LYPD6B: variants seen among roughly 807,000 people sequenced by gnomAD.
LYPD6B encodes the protein LY6/PLAUR domain containing 6B.
In LYPD6B, 17 loss-of-function variants were observed where a neutral mutation model predicts 22.8. The ratio of observed to expected loss-of-function variants is 0.75; its 90% CI spans 0.51 to 1.12. The LOEUF (loss-of-function observed/expected upper bound fraction) is 1.12, where lower values mean the gene tolerates loss of function less well. Among genes scored for constraint, LYPD6B ranks in the 50% most tolerant of loss-of-function variants. The pLI, the probability that LYPD6B is intolerant of heterozygous loss-of-function variation, is 0.00. For synonymous variants in LYPD6B, 106 were observed against 91.6 expected (o/e 1.16, Z -0.90); for missense variants, 221 against 258.3 (o/e 0.86, Z 0.99).
At chr2:149,158,384 G>A (rs905237430) in intron 2 of LYPD6B, among the ~76,000 whole-genome samples, 1 of 152,144 alleles carries the variant, frequency 6.6e-6, no homozygotes, top group African/African-American at 2.4e-5. Context: ...GATGAAACTT[G>A]AAAACAATGT....
At chr2:149,183,918 C>T (rs1352866580) in intron 3 of LYPD6B, among the ~76,000 whole-genome samples, 1 of 151,778 alleles carries the variant, frequency 6.6e-6, no homozygotes, top group Admixed American at 6.6e-5. Flanking sequence ...TTTGGCCAGG[C>T]GCAGTGGCTC....
At chr2:149,128,189 G>A (rs1482027952) in intron 1 of LYPD6B, among the ~76,000 whole-genome samples, 2 of 152,064 alleles carry the variant, frequency 1.3e-5, no homozygotes, top group African/African-American at 4.8e-5. Context: ...AATCAAGCTT[G>A]AGTCTAATAT....
At chr2:149,100,416 C>CAAAAAAAA (rs58068035) in intron 1 of LYPD6B, among the ~76,000 whole-genome samples, 3 of 67,960 alleles carry the variant, frequency 4.4e-5, no homozygotes, top group Admixed American at 2.3e-4. Context: ...TTGGCTTTGA[C>CAAAAAAAA]AAAAAAAAAA....
intron 1 of LYPD6B, among the ~76,000 whole-genome samples, chr2:149,046,685 T>A (rs555862976): frequency 1.3e-5 from 2 of 152,242 alleles, no homozygotes; most frequent in South Asian, 4.1e-4. Flanking sequence ...TTTTAGTGAT[T>A]GCTCTAGAGT....
rs777646021 is a variant in LYPD6B at position 149,214,686 on chromosome 2, G to T, written c.600G>T (p.Trp200Cys). The T allele has an allele frequency of 1.4e-5, 22 of 1,613,826 alleles. No homozygotes were observed. The highest frequency in any genetic ancestry group is 1.9e-5 in the Non-Finnish European group (22 of 1,179,894). Residue 200 changes from tryptophan (W) to cysteine (C), a missense_variant, in exon 7 of 7, where the codon TGG (tryptophan) becomes TGT (cysteine). Coordinates refer to ENST00000409642, the MANE Select transcript of LYPD6B (RefSeq NM_177964.5). Reference sequence around the variant, plus strand: ...CACTCTACCTACCAGTGCTTGCCTGGGTCTTTGTGCTTCCATTGCTGTGAT... The same window carrying T: ...CACTCTACCTACCAGTGCTTGCCTGTGTCTTTGTGCTTCCATTGCTGTGAT... ...APTLYLPVLA[W>C]VFVLPLL
intron 1 of LYPD6B, among the ~76,000 whole-genome samples, chr2:149,057,452 G>A (rs2105308245): frequency 6.6e-6 from 1 of 151,590 alleles, no homozygotes; most frequent in South Asian, 2.1e-4. Flanking sequence ...AGATAAGGAT[G>A]TAAAAATGCT....
At chr2:149,071,205 A>G (rs1366197343) in intron 1 of LYPD6B, among the ~76,000 whole-genome samples, 3 of 152,190 alleles carry the variant, frequency 2.0e-5, no homozygotes, top group South Asian at 4.1e-4. Flanking sequence ...TCAAGATAAG[A>G]CTATAACAGT....
intron 1 of LYPD6B, among the ~76,000 whole-genome samples, chr2:149,098,345 C>T (rs1408328265): frequency 2.6e-5 from 4 of 151,874 alleles, no homozygotes; most frequent in African/African-American, 4.8e-5. Context: ...TGGCTTTGGG[C>T]CGAGTGTGGT....
chr2:149,161,490 G>A (rs1690062634), intron 3 of LYPD6B: 1 of 152,286 alleles, frequency 6.6e-6, no homozygotes, highest in Non-Finnish European at 1.5e-5. Flanking sequence ...TAGTGTGTCA[G>A]GCCTGATTCC....
intron 1 of LYPD6B, among the ~76,000 whole-genome samples, 166 bp downstream of exon 1, chr2:149,038,967 G>A (rs1470862348): frequency 5.3e-5 from 8 of 151,224 alleles, no homozygotes; most frequent in Non-Finnish European, 1.0e-4. Context: ...CCGCGGGGCC[G>A]CGGGGCCGCG....
chr2:149,066,421 G>A (rs1574904204), intron 1 of LYPD6B, among the ~76,000 whole-genome samples: 1 of 150,528 alleles, frequency 6.6e-6, no homozygotes, highest in East Asian at 2.0e-4. Flanking sequence ...GTGAGAACAT[G>A]CAGTGTTTGG....
At chr2:149,110,407 G>A (rs1017205513) in intron 1 of LYPD6B, among the ~76,000 whole-genome samples, 1 of 151,900 alleles carries the variant, frequency 6.6e-6, no homozygotes, top group Admixed American at 6.6e-5. Flanking sequence ...ATTTTACTTT[G>A]TTGGGTGCTG....
chr2:149,045,812 T>C (rs1334289022), intron 1 of LYPD6B, among the ~76,000 whole-genome samples: 2 of 152,170 alleles, frequency 1.3e-5, no homozygotes, highest in African/African-American at 4.8e-5. Flanking sequence ...TGACCCAGAA[T>C]GTGGTTTATC....
chr2:149,071,589 C>A (rs1253503089), intron 1 of LYPD6B, among the ~76,000 whole-genome samples: 1 of 152,166 alleles, frequency 6.6e-6, no homozygotes, highest in Non-Finnish European at 1.5e-5. Context: ...AAGATGCATA[C>A]ACTAAATAAT....
chr2:149,159,507 C>T (rs560424694), intron 2 of LYPD6B, among the ~76,000 whole-genome samples: 1 of 151,768 alleles, frequency 6.6e-6, no homozygotes, highest in East Asian at 1.9e-4. Context: ...TGTAAATGAA[C>T]TCATTCTTTT....
intron 3 of LYPD6B, among the ~76,000 whole-genome samples, chr2:149,162,463 T>C (rs1039622644): frequency 1.3e-5 from 2 of 152,128 alleles, no homozygotes; most frequent in Non-Finnish European, 2.9e-5. Flanking sequence ...GGCCAACCCA[T>C]GTGGAGTATT....
chr2:149,155,977 T>C (rs78769184), intron 2 of LYPD6B, among the ~76,000 whole-genome samples: 2 of 152,216 alleles, frequency 1.3e-5, no homozygotes, highest in African/African-American at 4.8e-5. Flanking sequence ...GACTTGCTTC[T>C]GTAATGTGCA....
Position 149,214,814 on chromosome 2 carries a change from GA to G in LYPD6B, c.*105del. 1 of 1,236,362 alleles carries G rather than the reference GA, an allele frequency of 8.1e-7. No individual in the cohort carries two copies. Among genetic ancestry groups the G allele is most frequent in the South Asian group, 1.3e-5 (1 of 77,264 alleles). 76.6% of individuals were successfully genotyped at this position (1,236,362 alleles called of 1,614,324 possible). Reference sequence around the variant, plus strand: ...GAAGATCAATCTTGCACTTGGTGAAGAGTGCACATTGGACCTCAAGGCGAAA... The same window carrying G: ...GAAGATCAATCTTGCACTTGGTGAAGGTGCACATTGGACCTCAAGGCGAAA... On this transcript the variant is annotated 3_prime_UTR_variant, in exon 7 of 7. Coordinates refer to ENST00000409642, the MANE Select transcript of LYPD6B (RefSeq NM_177964.5).
chr2:149,126,672 G>C (rs1045645809), intron 1 of LYPD6B, among the ~76,000 whole-genome samples: 5 of 152,160 alleles, frequency 3.3e-5, no homozygotes, highest in Non-Finnish European at 7.4e-5. Context: ...AACCTGTGTC[G>C]TTCAAGGGTC....
Sources: allele counts gnomAD v4.1 joint callset (sites outside exome capture counted in the v4.1 genomes callset), GRCh38; gene constraint gnomAD v4.1.1; transcripts MANE v1.5; gene names NCBI Gene and HGNC (gene_info 2026-07-23, HGNC 2026-07-21).